The following PPFIA2 variants were observed in gnomAD, a reference collection of about 807,000 sequenced individuals.
PPFIA2 encodes the protein PPFI scaffold protein A2, also known as liprin-alpha-2.
A neutral mutation model predicts 175.5 loss-of-function variants in PPFIA2; 46 were observed. That is an observed-to-expected ratio of 0.26 (90% CI 0.21 to 0.34). The LOEUF is 0.34. Among genes scored for constraint, PPFIA2 ranks in the 10% least tolerant of loss-of-function variants. PPFIA2 has a pLI of 1.00. For missense variants in PPFIA2, 1,179 were observed against 1,506.1 expected, an observed-to-expected ratio of 0.78 and a Z score of 3.60; for synonymous variants, 568 against 511.4, an observed-to-expected ratio of 1.11 and a Z score of -1.49.
chr12:81,283,055 G>T lies in PPFIA2; in HGVS notation c.2989-16C>A. Reference sequence around the variant, plus strand: ...CAGATTCTTTCTGTGTTAGCAGCAGGAAATGATTAATAAAGCAGGTAAATA... The same window carrying T: ...CAGATTCTTTCTGTGTTAGCAGCAGTAAATGATTAATAAAGCAGGTAAATA... On this transcript the variant is annotated splice_polypyrimidine_tract_variant and intron_variant, in intron 25 of 32. Transcript: ENST00000549396. The T allele has an allele frequency of 6.2e-7, 1 of 1,611,056 alleles. No homozygotes were observed. The highest frequency in any genetic ancestry group is 8.5e-7 in the Non-Finnish European group (1 of 1,178,046).
intron 24 of PPFIA2, among the ~76,000 whole-genome samples, chr12:81,289,845 C>G (rs2044438632): frequency 6.6e-6 from 1 of 151,742 alleles, no homozygotes; most frequent in Non-Finnish European, 1.5e-5. Flanking sequence ...TTGTTACATC[C>G]TTCTTCAACC....
intron 7 of PPFIA2, among the ~76,000 whole-genome samples, chr12:81,439,176 T>TCC (rs975677824): frequency 2.7e-5 from 4 of 149,988 alleles, no homozygotes; most frequent in African/African-American, 9.7e-5. Flanking sequence ...CCTCTCTCTC[T>TCC]CTCTCTCTCT....
At chr12:81,563,522 A>G (rs1246991046) in intron 4 of PPFIA2, among the ~76,000 whole-genome samples, 1 of 152,164 alleles carries the variant, frequency 6.6e-6, no homozygotes, top group African/African-American at 2.4e-5. Flanking sequence ...ATTAAATCCA[A>G]AATCCTCTTC....
intron 5 of PPFIA2, among the ~76,000 whole-genome samples, chr12:81,449,356 T>C (rs540789535): frequency 4.6e-5 from 7 of 152,144 alleles, no homozygotes; most frequent in Non-Finnish European, 7.4e-5. Context: ...GAGGAGGCAG[T>C]TTTTCCTCAC....
chr12:81,298,436 G>A (rs1399867725), intron 23 of PPFIA2: 2 of 152,080 alleles, frequency 1.3e-5, no homozygotes, highest in Non-Finnish European at 2.9e-5. Context: ...CTTAGCTCTG[G>A]CTATAATAAA....
chr12:81,393,207 T>C (rs935723168), intron 8 of PPFIA2, among the ~76,000 whole-genome samples: 2 of 152,068 alleles, frequency 1.3e-5, no homozygotes, highest in Non-Finnish European at 2.9e-5. Flanking sequence ...AACATGTTAA[T>C]GATTGATAGA....
chr12:81,612,802 A>C (rs942214420), intron 4 of PPFIA2, among the ~76,000 whole-genome samples: 1 of 152,244 alleles, frequency 6.6e-6, no homozygotes, highest in Non-Finnish European at 1.5e-5. Flanking sequence ...ATATGTGTGT[A>C]TGTATATGTG....
At chr12:81,358,397 G>C (rs1226509950) in intron 15 of PPFIA2, among the ~76,000 whole-genome samples, 180 bp from the exon 16 acceptor site, 1 of 152,114 alleles carries the variant, frequency 6.6e-6, no homozygotes, top group South Asian at 2.1e-4. Context: ...GTCAGAAGCT[G>C]CAGTCTTAGG....
At chr12:81,284,865 A>G (rs115367983) in intron 24 of PPFIA2, among the ~76,000 whole-genome samples, 1 of 152,158 alleles carries the variant, frequency 6.6e-6, no homozygotes, top group Admixed American at 6.6e-5. Context: ...ACTGTGTGTG[A>G]TTCAGTAAAT....
At chr12:81,274,964 G>A (rs2040142452) in intron 28 of PPFIA2, among the ~76,000 whole-genome samples, 1 of 152,122 alleles carries the variant, frequency 6.6e-6, no homozygotes, top group South Asian at 2.1e-4. Context: ...GGCCAACTGG[G>A]TAATTCCTCT....
At chr12:81,745,693 A>G (rs1366826654) in intron 3 of PPFIA2, among the ~76,000 whole-genome samples, 1 of 152,154 alleles carries the variant, frequency 6.6e-6, no homozygotes, top group African/African-American at 2.4e-5. Flanking sequence ...TGCTCTTCAA[A>G]CATTGCCAAC....
chr12:81,495,299 T>A (rs2059913438), intron 4 of PPFIA2, among the ~76,000 whole-genome samples: 1 of 152,086 alleles, frequency 6.6e-6, no homozygotes, highest in Non-Finnish European at 1.5e-5. Flanking sequence ...TATATCAAAT[T>A]GAATCATAAC....
intron 28 of PPFIA2, among the ~76,000 whole-genome samples, chr12:81,271,857 T>A (rs972002945): frequency 6.6e-6 from 1 of 152,168 alleles, no homozygotes; most frequent in Non-Finnish European, 1.5e-5. Flanking sequence ...TGCATTTTTT[T>A]ATTATCTTTA....
At chr12:81,445,449 C>T in intron 6 of PPFIA2, 107 bp downstream of exon 6, 1 of 1,039,716 alleles carries the variant, frequency 9.6e-7, no homozygotes, top group Non-Finnish European at 1.4e-6. Context: ...AAAAGTGTTC[C>T]TCAACTGACT....
intron 5 of PPFIA2, among the ~76,000 whole-genome samples, chr12:81,456,320 G>A (rs944526203): frequency 6.6e-6 from 1 of 152,146 alleles, no homozygotes; most frequent in Admixed American, 6.6e-5. Context: ...GTTATGCCCT[G>A]TTTGAGGCAA....
chr12:81,545,048 T>C (rs572767375), intron 4 of PPFIA2, among the ~76,000 whole-genome samples: 1 of 151,528 alleles, frequency 6.6e-6, no homozygotes, highest in East Asian at 1.9e-4. Context: ...TACAACACTT[T>C]CATTCTTAAT....
intron 16 of PPFIA2, among the ~76,000 whole-genome samples, chr12:81,357,516 A>T (rs561289033): frequency 3.9e-5 from 6 of 152,330 alleles, no homozygotes; most frequent in East Asian, 1.9e-4. Flanking sequence ...TTACTGACTG[A>T]ATGGAAGGCT....
chr12:81,654,802 G>A (rs979841715), intron 4 of PPFIA2, among the ~76,000 whole-genome samples: 1 of 152,020 alleles, frequency 6.6e-6, no homozygotes, highest in African/African-American at 2.4e-5. Flanking sequence ...AATTTGTTAC[G>A]CAGCAATAGA....
intron 4 of PPFIA2, among the ~76,000 whole-genome samples, chr12:81,603,975 T>A (rs972735376): frequency 6.6e-6 from 1 of 151,748 alleles, no homozygotes; most frequent in Non-Finnish European, 1.5e-5. Flanking sequence ...TGGTATTGTT[T>A]CCAGGCTTTG....
Sources: gnomAD v4.1 joint callset for allele counts (sites outside exome capture counted in the v4.1 genomes callset) on GRCh38, gnomAD v4.1.1 for gene constraint, MANE v1.5 for transcripts, NCBI Gene and HGNC (gene_info 2026-07-23, HGNC 2026-07-21) for gene names.